PCBD2: variants seen among roughly 807,000 people sequenced by gnomAD.
PCBD2 encodes the protein pterin-4 alpha-carbinolamine dehydratase 2, also known as pterin-4-alpha-carbinolamine dehydratase 2.
In PCBD2, 12 loss-of-function variants were observed where a neutral mutation model predicts 16.4. The observed-to-expected ratio is 0.73, with a 90% CI of 0.47 to 1.19. PCBD2 has a LOEUF of 1.19. PCBD2 is among the 50% of genes most tolerant of loss of function. The probability of loss-of-function intolerance (pLI) is 0.00; values close to 1 mark genes in which losing one functional copy is unlikely to be tolerated. For synonymous variants in PCBD2, 58 were observed against 61.8 expected, an observed-to-expected ratio of 0.94 and a Z score of 0.29; for missense variants, 138 against 156.8, an observed-to-expected ratio of 0.88 and a Z score of 0.64.
chr5:134,936,305 G>T (rs1385327316), intron 2 of PCBD2, among the ~76,000 whole-genome samples: 2 of 152,184 alleles, frequency 1.3e-5, no homozygotes, highest in Non-Finnish European at 2.9e-5. Context: ...CCCAGCCCCG[G>T]CCTCTCACAC....
At chr5:134,940,591 C>G (rs1751214310) in intron 2 of PCBD2, among the ~76,000 whole-genome samples, 1 of 152,096 alleles carries the variant, frequency 6.6e-6, no homozygotes, top group African/African-American at 2.4e-5. Flanking sequence ...GAGACTTTGA[C>G]CTTATCATGA....
rs1470703907 is a variant in PCBD2, at chr5:134,905,394, C to T, written c.84+171C>T. ...GGGACTGACCACCTGTCCGGTGCGC[C>T]GCTCAGAGACCGGGGTGGCCGCAGC... On this transcript the variant is annotated intron_variant, in intron 1 of 3. Transcript: ENST00000254908. 80 of 481,252 alleles carry T rather than the reference C, an allele frequency of 1.7e-4. 1 individual carries two copies. The East Asian group carries it at 3.0e-3, about 18-fold the overall frequency. The allele number at this position is 481,252 out of a possible 1,614,324, so 29.8% of individuals were successfully genotyped here.
intron 2 of PCBD2, among the ~76,000 whole-genome samples, chr5:134,931,960 C>A (rs1317930058): frequency 6.6e-6 from 1 of 152,164 alleles, no homozygotes; most frequent in Non-Finnish European, 1.5e-5. Context: ...GATCAATGAT[C>A]AGTTCTAAGT....
At chr5:134,949,208 G>A (rs1436226216) in intron 2 of PCBD2, among the ~76,000 whole-genome samples, 2 of 152,054 alleles carry the variant, frequency 1.3e-5, no homozygotes, top group African/African-American at 2.4e-5. Flanking sequence ...TTCCCGTGCC[G>A]ACACCCACTC....
chr5:134,944,294 C>G (rs1299354198), intron 2 of PCBD2, among the ~76,000 whole-genome samples: 1 of 152,140 alleles, frequency 6.6e-6, no homozygotes, highest in East Asian at 1.9e-4. Flanking sequence ...TGAAATCTGC[C>G]TATGCAGTTG....
intron 2 of PCBD2, among the ~76,000 whole-genome samples, chr5:134,952,724 T>C (rs775671948): frequency 2.0e-5 from 3 of 151,760 alleles, no homozygotes; most frequent in Non-Finnish European, 4.4e-5. Flanking sequence ...ATGGATCCCG[T>C]GAGCCCAGGA....
At chr5:134,959,883 CTTTTTTTTTTTTT>C (rs776164485) in intron 3 of PCBD2, among the ~76,000 whole-genome samples, 3 of 73,022 alleles carry the variant, frequency 4.1e-5, no homozygotes, top group Admixed American at 2.0e-4. Flanking sequence ...TAGAAATGTG[CTTTTTTTTTTTTT>C]TTTTTTTTTT....
At chr5:134,959,006 T>C (rs1751443788) in intron 2 of PCBD2, 34 bp from the exon 3 acceptor site, 3 of 1,551,310 alleles carry the variant, frequency 1.9e-6, no homozygotes, top group Non-Finnish European at 2.7e-6. Context: ...TAGAGGACAA[T>C]GTCAGTAATT....
chr5:134,934,329 A>G (rs1256839474), intron 2 of PCBD2, among the ~76,000 whole-genome samples: 1 of 152,178 alleles, frequency 6.6e-6, no homozygotes, highest in Non-Finnish European at 1.5e-5. Context: ...GAATGACCCC[A>G]AAGAACTTTT....
chr5:134,923,194 A>G (rs113755120), intron 2 of PCBD2: 1,859 of 152,658 alleles, frequency 0.012, 13 homozygotes, highest in Non-Finnish European at 0.018. Context: ...ATTCCAGGCA[A>G]TCCATACTGT....
rs971808914 is a variant in PCBD2 at position 134,939,523 on chromosome 5, A to G, written c.217-19517A>G. Among the ~76,000 whole-genome samples the G allele has an allele frequency of 1.5e-4, 23 of 152,254 alleles. No individual in the cohort carries two copies. In the South Asian group the frequency reaches 1.7e-3, roughly 11 times the overall value. ...TGCATAGTGCCCCTGTCTGTTCAAA[A>G]AAACCAGAGGCTCCTAAAATCCTGT... On this transcript the variant is annotated intron_variant, in intron 2 of 3. Transcript: ENST00000254908.
intron 2 of PCBD2, among the ~76,000 whole-genome samples, chr5:134,943,071 T>C (rs1389322834): frequency 6.6e-6 from 1 of 152,152 alleles, no homozygotes; most frequent in African/African-American, 2.4e-5. Flanking sequence ...AGTGTAAGAG[T>C]TTCCATACAG....
intron 2 of PCBD2, among the ~76,000 whole-genome samples, chr5:134,913,801 A>G (rs1750797063): frequency 6.6e-6 from 1 of 152,182 alleles, no homozygotes; most frequent in Non-Finnish European, 1.5e-5. Context: ...TTTTGAAAGT[A>G]GAATAATCAA....
chr5:134,920,129 A>T (rs2149531784), intron 2 of PCBD2, among the ~76,000 whole-genome samples: 1 of 152,258 alleles, frequency 6.6e-6, no homozygotes, highest in South Asian at 2.1e-4. Flanking sequence ...CATCCTTTTA[A>T]ACAAAACAAA....
Position 134,906,194 on chromosome 5 carries a change from A to ATTTTTTTTTTTT in PCBD2, c.84+987_84+998dup, listed in dbSNP as rs1158334317. On this transcript the variant is annotated intron_variant, in intron 1 of 3. Transcript: ENST00000254908. ...TGGCCTGAAATTCTTTAATAGAAGA[A>ATTTTTTTTTTTT]TTTTTTTTTTTTTTTTTTTTTTTTT... 3.2e-3 allele frequency among the ~76,000 whole-genome samples: 210 copies of ATTTTTTTTTTTT among 66,522 alleles called. 15 individuals carry two copies. Among genetic ancestry groups the ATTTTTTTTTTTT allele is most frequent in the African/African-American group, 9.4e-3 (138 of 14,664 alleles). The allele number at this position is 66,522 out of a possible 152,430, so 43.6% of individuals were successfully genotyped here.
At chr5:134,943,663 T>A (rs1751258587) in intron 2 of PCBD2, among the ~76,000 whole-genome samples, 1 of 152,128 alleles carries the variant, frequency 6.6e-6, no homozygotes, top group African/African-American at 2.4e-5. Context: ...CACAAGAGAC[T>A]GAAAAATGGT....
chr5:134,929,191 A>G (rs1404997527), intron 2 of PCBD2, among the ~76,000 whole-genome samples: 2 of 152,044 alleles, frequency 1.3e-5, no homozygotes, highest in Non-Finnish European at 2.9e-5. Context: ...AAGATTTGTT[A>G]GATAAATGGA....
At chr5:134,959,321 A>G (rs1488082606) in intron 3 of PCBD2, among the ~76,000 whole-genome samples, 6 of 152,164 alleles carry the variant, frequency 3.9e-5, no homozygotes, top group South Asian at 2.1e-4. Flanking sequence ...CTTTATTTTC[A>G]TGCTTGTCTT....
chr5:134,941,118 G>GAAA (rs764468793), intron 2 of PCBD2, among the ~76,000 whole-genome samples: 1,169 of 80,106 alleles, frequency 0.015, 24 homozygotes, highest in African/African-American at 0.054. Flanking sequence ...CCATCTCAAG[G>GAAA]AAAAAAAAAA....
Sources: allele counts gnomAD v4.1 joint callset (sites outside exome capture counted in the v4.1 genomes callset), GRCh38; gene constraint gnomAD v4.1.1; transcripts MANE v1.5; gene names NCBI Gene and HGNC (gene_info 2026-07-23, HGNC 2026-07-21).